Variants in IFT88 observed in about 807,000 individuals in gnomAD.
The protein encoded by IFT88 is intraflagellar transport protein 88 homolog.
Under a neutral mutation model 119.5 loss-of-function variants are expected in IFT88, and 74 were observed. That is an observed-to-expected ratio of 0.62 (90% CI 0.51 to 0.75). The LOEUF (loss-of-function observed/expected upper bound fraction) is 0.75, where lower values mean the gene tolerates loss of function less well. Ranked by LOEUF, IFT88 falls within the 30% of genes least tolerant of loss-of-function variation. IFT88 has a pLI of 0.00. For synonymous variants in IFT88, 279 were observed against 316.7 expected (o/e 0.88, Z 1.26); for missense variants, 961 against 977.7 (o/e 0.98, Z 0.23).
intron 22 of IFT88, among the ~76,000 whole-genome samples, chr13:20,660,542 G>A (rs960178346): frequency 6.6e-6 from 1 of 152,250 alleles, no homozygotes; most frequent in African/African-American, 2.4e-5. Flanking sequence ...AGAATAAGCT[G>A]GAGTGGGCAG....
At position 20,656,426 on chromosome 13, in the gene IFT88, C is replaced by A; in HGVS notation, c.2064C>A (p.Val688=). Residue 688 remains valine, a synonymous_variant, in exon 22 of 26, where the codon GTC becomes GTA. Coordinates refer to ENST00000351808, the MANE Select transcript of IFT88 (RefSeq NM_006531.5). ...CTCACAGAAAATTTCCAGAAAATGT[C>A]GAATGTAAGTGGCATTACATAATGT... ...KDTHRKFPEN[V]ECLRFLVRLC... is the part of the protein sequence containing the mutation. 1 of 1,477,300 alleles carries A rather than the reference C, an allele frequency of 6.8e-7. No individual in the cohort carries two copies. The highest frequency in any genetic ancestry group is 1.3e-5 in the South Asian group (1 of 78,714). 91.5% of individuals were successfully genotyped at this position (1,477,300 alleles called of 1,614,324 possible). A position where few individuals can be genotyped will look rare whatever the true frequency, so the allele number is the denominator to read the frequency against.
In IFT88 at chr13:20,598,670, G is replaced by C. The variant is rs1375923038; in HGVS notation, c.614G>C (p.Ser205Thr). The change falls in exon 10 of 26, where the codon AGT becomes ACT. Residue 205 changes from serine to threonine, a missense_variant. Coordinates refer to ENST00000351808, the MANE Select transcript of IFT88 (RefSeq NM_006531.5). ...CCTTAGGTTCTTTTCAATTTGGCCA[G>C]TCAGTATTCAGTTAATGAAATGTAT... ...LTYSVLFNLA[S>T]QYSVNEMYAE... 3 of 1,609,510 alleles carry C rather than the reference G, an allele frequency of 1.9e-6. No homozygotes were observed. The highest frequency in any genetic ancestry group is 2.5e-6 in the Non-Finnish European group (3 of 1,176,742).
At chr13:20,655,124 A>G (rs1305018212) in intron 21 of IFT88, among the ~76,000 whole-genome samples, 1 of 151,478 alleles carries the variant, frequency 6.6e-6, no homozygotes, top group Non-Finnish European at 1.5e-5. Context: ...GCTTTCTATA[A>G]ACTTTCTAAT....
At chr13:20,625,447 A>G (rs1386135789) in intron 14 of IFT88, among the ~76,000 whole-genome samples, 1 of 152,204 alleles carries the variant, frequency 6.6e-6, no homozygotes, top group African/African-American at 2.4e-5. Context: ...AAATATGTGG[A>G]AACTGTCGTC....
At chr13:20,585,212 G>T (rs868586115) in intron 3 of IFT88, among the ~76,000 whole-genome samples, 1 of 152,220 alleles carries the variant, frequency 6.6e-6, no homozygotes, top group Middle Eastern at 3.4e-3. Flanking sequence ...TCCTCCACAA[G>T]ACCACTCCCA....
chr13:20,690,641 C>T (rs909864304), intron 24 of IFT88, 64 bp from the exon 25 acceptor site: 3 of 1,045,268 alleles, frequency 2.9e-6, no homozygotes, highest in African/African-American at 1.6e-5. Flanking sequence ...CTTTAAGATG[C>T]ATAATGTAGT....
intron 24 of IFT88, among the ~76,000 whole-genome samples, chr13:20,686,278 C>T (rs1472604682): frequency 3.3e-5 from 5 of 152,156 alleles, no homozygotes; most frequent in African/African-American, 4.8e-5. Flanking sequence ...TTTTACTTTT[C>T]TCTAAGCAAA....
At chr13:20,606,551 G>A (rs543362498) in intron 13 of IFT88, among the ~76,000 whole-genome samples, 11 of 152,146 alleles carry the variant, frequency 7.2e-5, no homozygotes, top group Non-Finnish European at 1.3e-4. Context: ...AAAATCCAGG[G>A]TCTCATAATT....
At chr13:20,657,494 A>C (rs376562185) in intron 22 of IFT88, among the ~76,000 whole-genome samples, 43 of 152,368 alleles carry the variant, frequency 2.8e-4, no homozygotes, top group African/African-American at 1.0e-3. Flanking sequence ...AAGAAGAAGT[A>C]TCTCTTCAAC....
intron 13 of IFT88, among the ~76,000 whole-genome samples, chr13:20,613,430 T>A (rs983106052): frequency 5.9e-5 from 9 of 152,076 alleles, no homozygotes; most frequent in Non-Finnish European, 1.0e-4. Flanking sequence ...AAAAAGAAAA[T>A]AACAAGTATT....
At chr13:20,615,933 A>G in intron 14 of IFT88, 54 bp downstream of exon 14, 1 of 971,132 alleles carries the variant, frequency 1.0e-6, no homozygotes, top group Non-Finnish European at 1.5e-6. Context: ...CATAATTTAT[A>G]CTTTTAAATT....
chr13:20,658,857 C>T (rs1442744723), intron 22 of IFT88, among the ~76,000 whole-genome samples: 1 of 152,104 alleles, frequency 6.6e-6, no homozygotes, highest in South Asian at 2.1e-4. Context: ...ACCGGAAAAG[C>T]GAATGTCTTC....
At chr13:20,629,643 C>CA (rs1297323792) in intron 15 of IFT88, among the ~76,000 whole-genome samples, 1 of 152,078 alleles carries the variant, frequency 6.6e-6, no homozygotes, top group Admixed American at 6.6e-5. Context: ...TTCTGTCCTT[C>CA]AAAAAAATTG....
Position 20,663,480 on chromosome 13 carries a change from G to A in IFT88, c.2069-18G>A. On this transcript the variant is annotated intron_variant, in intron 22 of 25. Coordinates refer to ENST00000351808, the MANE Select transcript of IFT88 (RefSeq NM_006531.5). ...ACTGTGCCTATATTCTTTCCTAAAT[G>A]TATATTTTACAATTTAGGTCTGCGT... 11 of 1,606,952 alleles carry A rather than the reference G, an allele frequency of 6.8e-6. No individual in the cohort carries two copies. Among genetic ancestry groups the A allele is most frequent in the South Asian group, 1.1e-5 (1 of 90,578 alleles).
intron 15 of IFT88, among the ~76,000 whole-genome samples, chr13:20,626,702 T>TTCC (rs2047391862): frequency 6.6e-6 from 1 of 151,988 alleles, no homozygotes; most frequent in African/African-American, 2.4e-5. Flanking sequence ...GAGTGGGTGC[T>TTCC]CCCCCTTCAG....
intron 23 of IFT88, among the ~76,000 whole-genome samples, chr13:20,667,466 A>C (rs1449378471): frequency 1.3e-5 from 2 of 152,200 alleles, no homozygotes; most frequent in African/African-American, 2.4e-5. Flanking sequence ...GTCCCTGAGG[A>C]GCAGCAGTGC....
intron 13 of IFT88, among the ~76,000 whole-genome samples, chr13:20,615,232 A>T (rs2045404174): frequency 6.6e-6 from 1 of 152,234 alleles, no homozygotes. Context: ...AGAAGAAATG[A>T]CTAAGAGAAC....
At chr13:20,634,555 G>A (rs1246790975) in intron 16 of IFT88, among the ~76,000 whole-genome samples, 3 of 151,880 alleles carry the variant, frequency 2.0e-5, no homozygotes, top group Non-Finnish European at 4.4e-5. Flanking sequence ...GTGAAACCCC[G>A]TCTCTACCAA....
intron 13 of IFT88, among the ~76,000 whole-genome samples, chr13:20,610,687 AAAAG>A (rs1566184346): frequency 6.6e-6 from 1 of 152,198 alleles, no homozygotes; most frequent in Admixed American, 6.5e-5. Flanking sequence ...ACCAAAAAAA[AAAAG>A]AAGAAAACTA....
Sources: allele counts gnomAD v4.1 joint callset (sites outside exome capture counted in the v4.1 genomes callset), GRCh38; gene constraint gnomAD v4.1.1; transcripts MANE v1.5; gene names NCBI Gene and HGNC (gene_info 2026-07-23, HGNC 2026-07-21).